SLC25A26: variants seen among roughly 807,000 people sequenced by gnomAD.
The protein encoded by SLC25A26 is mitochondrial S-adenosylmethionine carrier protein.
In SLC25A26, 36 loss-of-function variants were observed where a neutral mutation model predicts 37.8. That is an observed-to-expected ratio of 0.95 (90% confidence interval 0.73 to 1.26). SLC25A26 has a LOEUF of 1.26. Among genes scored for constraint, SLC25A26 ranks in the 50% most tolerant of loss-of-function variants. The probability of loss-of-function intolerance (pLI) is 0.00; values close to 1 mark genes in which losing one functional copy is unlikely to be tolerated. For missense variants in SLC25A26, 390 were observed against 331.1 expected (o/e 1.18, Z -1.38); for synonymous variants, 129 against 122.5 (o/e 1.05, Z -0.35).
intron 1 of SLC25A26, among the ~76,000 whole-genome samples, chr3:66,167,506 AT>A (rs1386088713): frequency 6.6e-6 from 1 of 152,206 alleles, no homozygotes; most frequent in East Asian, 1.9e-4. Flanking sequence ...ATTCCCTTTT[AT>A]GCTTATGCAG....
intron 1 of SLC25A26, among the ~76,000 whole-genome samples, chr3:66,210,303 G>GA (rs1559578457): frequency 1.3e-5 from 2 of 151,870 alleles, no homozygotes; most frequent in Admixed American, 6.6e-5. Context: ...AAGTTCTGGG[G>GA]AAAAAATATG....
At chr3:66,220,559 T>A (rs561798538), upstream of SLC25A26, among the ~76,000 whole-genome samples, 1 of 152,324 alleles carries the variant, frequency 6.6e-6, no homozygotes, top group South Asian at 2.1e-4. Context: ...TTCTATATCT[T>A]TATTTAATAA....
chr3:66,175,835 A>G (rs1168074576), intron 1 of SLC25A26, among the ~76,000 whole-genome samples: 2 of 152,244 alleles, frequency 1.3e-5, no homozygotes, highest in African/African-American at 2.4e-5. Context: ...AGGGCGGACT[A>G]TCTGTTTCAC....
At chr3:66,162,475 A>G (rs1407193499) in intron 1 of SLC25A26, among the ~76,000 whole-genome samples, 2 of 151,796 alleles carry the variant, frequency 1.3e-5, no homozygotes, top group Non-Finnish European at 2.9e-5. Context: ...CCCATGTATC[A>G]AGGCCTAGAA....
chr3:66,278,342 G>C (rs1055565777), intron 5 of SLC25A26, among the ~76,000 whole-genome samples: 1 of 152,030 alleles, frequency 6.6e-6, no homozygotes, highest in African/African-American at 2.4e-5. Flanking sequence ...TATGCAATTA[G>C]TAACAACCCA....
chr3:66,256,783 T>C (rs2073320738), intron 3 of SLC25A26, among the ~76,000 whole-genome samples: 1 of 152,088 alleles, frequency 6.6e-6, no homozygotes. Flanking sequence ...TAGTCCCAGC[T>C]CCGCAAGAGG....
intron 1 of SLC25A26, among the ~76,000 whole-genome samples, chr3:66,225,003 TC>T (rs563144445): frequency 6.1e-4 from 93 of 152,228 alleles, no homozygotes; most frequent in African/African-American, 2.2e-3. Context: ...GGGATACAGC[TC>T]CCCTCCTGGC....
In SLC25A26 at chr3:66,170,796, T is replaced by G. The variant is rs1040636547; in HGVS notation, c.-354+36812T>G. Among the ~76,000 whole-genome samples the G allele has an allele frequency of 9.9e-3, 1,165 of 117,710 alleles. 21 individuals carry two copies. The highest frequency in any genetic ancestry group is 0.039 in the African/African-American group (1,104 of 28,478). 77.2% of individuals were successfully genotyped at this position (117,710 alleles called of 152,430 possible). A position where few individuals can be genotyped will look rare whatever the true frequency, so the allele number is the denominator to read the frequency against. On this transcript the variant is annotated intron_variant, in intron 1 of 10. Coordinates refer to the SLC25A26 transcript ENST00000676754. ...ATTTAATAGATGTGATTATTGTTTT[T>G]TTTTTTTTTTTTTTTTTTTTTTTTT... is the stretch of plus-strand genomic sequence containing the variant.
chr3:66,292,623 C>T (rs1283803697), intron 5 of SLC25A26, among the ~76,000 whole-genome samples: 1 of 152,184 alleles, frequency 6.6e-6, no homozygotes, highest in Non-Finnish European at 1.5e-5. Flanking sequence ...ATATTGGCCT[C>T]CACTCTCCTC....
intron 1 of SLC25A26, among the ~76,000 whole-genome samples, chr3:66,163,692 C>G (rs1559556454): frequency 6.6e-6 from 1 of 152,198 alleles, no homozygotes; most frequent in Non-Finnish European, 1.5e-5. Context: ...TCTTCACTGT[C>G]TTTATAGTTC....
At chr3:66,371,614 T>G (rs943759520) in intron 9 of SLC25A26, among the ~76,000 whole-genome samples, 1 of 152,178 alleles carries the variant, frequency 6.6e-6, no homozygotes, top group African/African-American at 2.4e-5. Context: ...AATTGGCTGT[T>G]GACGTCTAGT....
At chr3:66,328,573 C>T (rs2075895315) in intron 5 of SLC25A26, among the ~76,000 whole-genome samples, 1 of 152,154 alleles carries the variant, frequency 6.6e-6, no homozygotes, top group Non-Finnish European at 1.5e-5. Flanking sequence ...AACAGTACCT[C>T]CATTCATCGA....
chr3:66,366,029 A>T (rs1239674032), intron 7 of SLC25A26, among the ~76,000 whole-genome samples: 2 of 152,232 alleles, frequency 1.3e-5, no homozygotes, highest in African/African-American at 2.4e-5. Context: ...GGGCAGGGGC[A>T]GTTAGGGAAT....
intron 7 of SLC25A26, among the ~76,000 whole-genome samples, chr3:66,369,050 CAAAAA>C (rs962307090): frequency 5.3e-5 from 1 of 18,718 alleles, no homozygotes; most frequent in Non-Finnish European, 1.0e-4. Flanking sequence ...AAAACAAAAA[CAAAAA>C]AAAAAAACAA....
intron 5 of SLC25A26, among the ~76,000 whole-genome samples, chr3:66,282,097 C>G: frequency 6.7e-6 from 1 of 149,516 alleles, no homozygotes; most frequent in Non-Finnish European, 1.5e-5. Flanking sequence ...CTGCAAGCTC[C>G]GCTTCCCAGG....
intron 1 of SLC25A26, among the ~76,000 whole-genome samples, chr3:66,230,258 AAAC>A (rs906817133): frequency 7.9e-5 from 12 of 152,248 alleles, no homozygotes; most frequent in African/African-American, 2.9e-4. Flanking sequence ...AAGGAAATAT[AAAC>A]AACATTATAT....
rs149015501 is a variant in SLC25A26 at position 66,320,474 on chromosome 3, A to G, written c.454-25890A>G. On this transcript the variant is annotated intron_variant, in intron 5 of 9. Transcript: ENST00000354883. ...TTGAATAATATTACATGGCATGGAT[A>G]TACTTCCTCTGTTAATGGTCACCCG... 2.4e-3 allele frequency among the ~76,000 whole-genome samples: 370 copies of G among 152,310 alleles called. 1 individual carries two copies. The highest frequency in any genetic ancestry group is 3.8e-3 in the Non-Finnish European group (258 of 68,030).
At chr3:66,157,419 A>G (rs2070298163) in intron 1 of SLC25A26, among the ~76,000 whole-genome samples, 1 of 152,204 alleles carries the variant, frequency 6.6e-6, no homozygotes, top group South Asian at 2.1e-4. Flanking sequence ...GTGAGACTCC[A>G]TCTCTATTAA....
intron 1 of SLC25A26, among the ~76,000 whole-genome samples, chr3:66,204,033 T>C (rs991288517): frequency 7.8e-4 from 119 of 152,350 alleles, no homozygotes; most frequent in African/African-American, 2.7e-3. Flanking sequence ...ATTTACCTTC[T>C]TCCCCTAGGC....
Sources: allele counts gnomAD v4.1 joint callset (sites outside exome capture counted in the v4.1 genomes callset), GRCh38; gene constraint gnomAD v4.1.1; transcripts MANE v1.5; gene names NCBI Gene and HGNC (gene_info 2026-07-23, HGNC 2026-07-21).